Variants in NCBP2 observed in about 807,000 individuals in gnomAD.
NCBP2 encodes nuclear cap binding protein subunit 2.
A neutral mutation model predicts 21.5 loss-of-function variants in NCBP2; 8 were observed. The observed-to-expected ratio is 0.37, with a 90% CI of 0.22 to 0.67. NCBP2 has a LOEUF of 0.67. NCBP2 is among the 30% of genes least tolerant of loss of function. The probability of loss-of-function intolerance (pLI) is 0.56; values close to 1 mark genes in which losing one functional copy is unlikely to be tolerated. For synonymous variants in NCBP2, 92 were observed against 75.8 expected (o/e 1.21, Z -1.11); for missense variants, 127 against 206.9 (o/e 0.61, Z 2.37).
chr3:196,942,476 G>A lies in NCBP2; in HGVS notation c.28C>T (p.Arg10Cys). 6.2e-7 allele frequency: 1 copy of A among 1,613,242 alleles called. No individual in the cohort carries two copies. The change falls in exon 1 of 4, where the codon CGC (arginine) becomes TGC (cysteine). Residue 10 changes from arginine to cysteine, a missense_variant. Arg to Cys is a radical substitution (Grantham distance 180). Coordinates refer to ENST00000321256, the MANE Select transcript of NCBP2 (RefSeq NM_007362.5). The stretch of plus-strand genomic sequence containing the variant: ...CTCAGCTCCACGTAGGAGTCGCTGC[G>A]CAGCGCCTTCAGGAGGCCACCCGAC... Reference protein sequence around the residue: MSGGLLKALRSDSYVELSQY... With the variant: MSGGLLKALCSDSYVELSQY...
chr3:196,942,371 GTTTCTCA>G, intron 1 of NCBP2, 48 bp downstream of exon 1: 1 of 1,586,094 alleles, frequency 6.3e-7, no homozygotes, highest in Non-Finnish European at 8.6e-7. Flanking sequence ...AGAGCAAACC[GTTTCTCA>G]GCGTTCTTGC....
chr3:196,942,487 A>G lies in NCBP2; in HGVS notation c.17T>C (p.Leu6Pro), dbSNP rs1716647161. Residue 6 changes from leucine (L) to proline (P), a missense_variant, in exon 1 of 4, where the codon CTG (leucine) becomes CCG (proline). Transcript: ENST00000321256. Reference protein sequence around the residue: MSGGLLKALRSDSYVE... With the variant: MSGGLPKALRSDSYVE... ...GTAGGAGTCGCTGCGCAGCGCCTTC[A>G]GGAGGCCACCCGACATAGTGCAGAG... The G allele has an allele frequency of 4.3e-6, 7 of 1,613,150 alleles. No homozygotes were observed. Among genetic ancestry groups the G allele is most frequent in the Non-Finnish European group, 5.9e-6 (7 of 1,179,894 alleles).
chr3:196,935,417 C>T lies in NCBP2; in HGVS notation c.*1594G>A, dbSNP rs1384313070. On this transcript the variant is annotated 3_prime_UTR_variant, in exon 4 of 4. Transcript: ENST00000321256. ...AGGCAGCAACAACGATAAGTTCATC[C>T]AGCTTTATTGAAACCTATTACAGAA... The T allele has an allele frequency of 6.6e-6, 1 of 152,208 alleles. No homozygotes were observed. The allele number at this position is 152,208 out of a possible 1,614,324, so 9.4% of individuals were successfully genotyped here.
chr3:196,939,631 A>G (rs1377917075), intron 1 of NCBP2, among the ~76,000 whole-genome samples, 199 bp from the exon 2 acceptor site: 1 of 152,208 alleles, frequency 6.6e-6, no homozygotes, highest in Middle Eastern at 3.2e-3. Flanking sequence ...CTCTTAGTAG[A>G]GACAGGGCTC....
chr3:196,939,339 C>T lies in NCBP2; in HGVS notation c.172G>A (p.Glu58Lys), dbSNP rs1457627776. The T allele has an allele frequency of 1.2e-6, 2 of 1,612,692 alleles. No individual in the cohort carries two copies. Among genetic ancestry groups the T allele is most frequent in the Non-Finnish European group, 1.7e-6 (2 of 1,178,682 alleles). Residue 58 changes from glutamate to lysine, a missense_variant, in exon 2 of 4, where the codon GAA becomes AAA. Glu to Lys is a moderately conservative substitution (Grantham distance 56, BLOSUM62 1). Coordinates refer to ENST00000321256, the MANE Select transcript of NCBP2 (RefSeq NM_007362.5). ...SFYTTEEQIY[E>K]LFSKSGDIKK... is the part of the protein sequence containing the mutation. ...ATGTCACCACTTTTGCTGAAGAGTT[C>T]ATAGATTTGTTCTTCAGTTGTGTAA...
chr3:196,941,683 A>C (rs1553831990), intron 1 of NCBP2: 465 of 434,228 alleles, frequency 1.1e-3, no homozygotes, highest in East Asian at 1.5e-3. Context: ...CCGCCCCGCC[A>C]ACCCCCAACC....
Position 196,936,888 on chromosome 3 carries a change from C to T in NCBP2, c.*123G>A. 2 of 851,970 alleles carry T rather than the reference C, an allele frequency of 2.3e-6. No homozygotes were observed. Among genetic ancestry groups the T allele is most frequent in the East Asian group, 2.5e-5 (1 of 40,754 alleles). The allele number at this position is 851,970 out of a possible 1,614,324, so 52.8% of individuals were successfully genotyped here. A position where few individuals can be genotyped will look rare whatever the true frequency, so the allele number is the denominator to read the frequency against. Reference sequence around the variant, plus strand: ...TCCTTTAATAACTTTCAGAGGCTTCCAGCTCAGTAAAGACACTGATCAAAT... The same window carrying T: ...TCCTTTAATAACTTTCAGAGGCTTCTAGCTCAGTAAAGACACTGATCAAAT... On this transcript the variant is annotated 3_prime_UTR_variant, in exon 4 of 4. Transcript: ENST00000321256.
chr3:196,937,816 CAT>C (rs1335185561), intron 2 of NCBP2, 168 bp from the exon 3 acceptor site: 25 of 695,304 alleles, frequency 3.6e-5, no homozygotes, highest in Admixed American at 1.5e-4. Context: ...TTTGGAAGCA[CAT>C]AGAGTCAAAT....
chr3:196,942,004 G>T, intron 1 of NCBP2: 1 of 1,536,138 alleles, frequency 6.5e-7, no homozygotes, highest in Non-Finnish European at 8.7e-7. Context: ...CTGCTTCGCC[G>T]ATTTAAAAAA....
chr3:196,942,137 GCCA>G (rs1047978048), intron 1 of NCBP2: 26 of 1,465,300 alleles, frequency 1.8e-5, no homozygotes, highest in Admixed American at 2.5e-5. Flanking sequence ...AACGGGAGCC[GCCA>G]CCACCACCAC....
At chr3:196,940,474 T>C (rs1490819815) in intron 1 of NCBP2, among the ~76,000 whole-genome samples, 12 of 152,248 alleles carry the variant, frequency 7.9e-5, no homozygotes, top group Admixed American at 7.8e-4. Context: ...TTCATTTTAC[T>C]GCTGTTACTG....
At chr3:196,941,737 A>C (rs988594937) in intron 1 of NCBP2, 2 of 622,268 alleles carry the variant, frequency 3.2e-6, no homozygotes, top group Non-Finnish European at 5.5e-6. Flanking sequence ...GTCTACTTTG[A>C]ATATCTGCTG....
chr3:196,941,716 G>A, intron 1 of NCBP2: 1 of 591,708 alleles, frequency 1.7e-6, no homozygotes. Context: ...TACCTCCGCT[G>A]ATACTGAAAA....
chr3:196,937,345 A>T, intron 3 of NCBP2, 165 bp downstream of exon 3: 2 of 848,016 alleles, frequency 2.4e-6, no homozygotes, highest in Non-Finnish European at 3.4e-6. Flanking sequence ...TTCACGGTTT[A>T]AAAAAAAAAT....
chr3:196,942,265 CCCT>C (rs1716628357), intron 1 of NCBP2, 158 bp downstream of exon 1: 19 of 1,486,046 alleles, frequency 1.3e-5, no homozygotes, highest in Non-Finnish European at 1.7e-5. Context: ...TATCCAAGCG[CCCT>C]TCCAGCACCC....
At chr3:196,942,166 G>A (rs1457698346) in intron 1 of NCBP2, 4 of 1,459,648 alleles carry the variant, frequency 2.7e-6, no homozygotes, top group Non-Finnish European at 3.6e-6. Context: ...AAACCTCTCG[G>A]CACTGGCTGG....
intron 3 of NCBP2, 25 bp from the exon 4 acceptor site, chr3:196,937,107 A>C: frequency 6.2e-7 from 1 of 1,608,752 alleles, no homozygotes; most frequent in Non-Finnish European, 8.5e-7. Flanking sequence ...ATCCAGAGTT[A>C]CAGTATGGAA....
Position 196,936,725 on chromosome 3 carries a change from G to T in NCBP2, c.*286C>A. On this transcript the variant is annotated 3_prime_UTR_variant, in exon 4 of 4. Coordinates refer to ENST00000321256, the MANE Select transcript of NCBP2 (RefSeq NM_007362.5). ...TCTTTCTAAAAGTGTAGTGGTTATG[G>T]CTAAAGACTAATCAACATTACAGAT... 1 of 479,204 alleles carries T rather than the reference G, an allele frequency of 2.1e-6. No homozygotes were observed. The highest frequency in any genetic ancestry group is 3.6e-5 in the Admixed American group (1 of 27,942). 29.7% of individuals were successfully genotyped at this position (479,204 alleles called of 1,614,324 possible). A position where few individuals can be genotyped will look rare whatever the true frequency, so the allele number is the denominator to read the frequency against.
At chr3:196,942,279 AT>A in intron 1 of NCBP2, 146 bp downstream of exon 1, 1 of 1,504,056 alleles carries the variant, frequency 6.6e-7, no homozygotes, top group Non-Finnish European at 8.9e-7. Context: ...TCCAGCACCC[AT>A]TCCCTGCCTC....
Sources: allele counts gnomAD v4.1 joint callset (sites outside exome capture counted in the v4.1 genomes callset), GRCh38; gene constraint gnomAD v4.1.1; transcripts MANE v1.5; gene names NCBI Gene and HGNC (gene_info 2026-07-23, HGNC 2026-07-21).